Variants in GALNT14 observed in about 807,000 individuals in gnomAD.
The protein encoded by GALNT14 is UDP-GalNAc:polypeptide N-acetylgalactosaminyltransferase 14.
A neutral mutation model predicts 77.5 loss-of-function variants in GALNT14; 60 were observed. The observed-to-expected ratio is 0.77, with a 90% confidence interval of 0.63 to 0.96. GALNT14 has a LOEUF of 0.96. Among genes scored for constraint, GALNT14 ranks in the 40% least tolerant of loss-of-function variants. The pLI is 0.00. For missense variants in GALNT14, 710 were observed against 731.0 expected (o/e 0.97, Z 0.33); for synonymous variants, 280 against 281.7 (o/e 0.99, Z 0.06).
At chr2:31,035,963 CAA>C (rs1189665133) in intron 1 of GALNT14, among the ~76,000 whole-genome samples, 1 of 152,046 alleles carries the variant, frequency 6.6e-6, no homozygotes, top group Non-Finnish European at 1.5e-5. Context: ...TCCTATGACA[CAA>C]CTTTACCTAC....
At chr2:31,106,651 G>A (rs1362536638) in intron 1 of GALNT14, among the ~76,000 whole-genome samples, 4 of 152,096 alleles carry the variant, frequency 2.6e-5, no homozygotes, top group Non-Finnish European at 5.9e-5. Context: ...TGATTGCTTT[G>A]TTGAGTTCTT....
At chr2:30,990,586 G>A (rs1669637317) in intron 2 of GALNT14, among the ~76,000 whole-genome samples, 1 of 152,260 alleles carries the variant, frequency 6.6e-6, no homozygotes, top group African/African-American at 2.4e-5. Flanking sequence ...CCAGTATGGT[G>A]ACTAAACTTG....
the GALNT14 span, among the ~76,000 whole-genome samples, chr2:30,890,158 C>G: frequency 3.9e-5 from 6 of 152,076 alleles, no homozygotes; most frequent in Non-Finnish European, 8.8e-5. Flanking sequence ...AGGAGGAGCC[C>G]GGTGGTCTAC....
At chr2:31,011,398 G>A (rs77812546) in intron 1 of GALNT14, among the ~76,000 whole-genome samples, 102 of 152,210 alleles carry the variant, frequency 6.7e-4, no homozygotes, top group African/African-American at 2.3e-3. Flanking sequence ...TTGAATCCTC[G>A]GGTAAACCAT....
intron 1 of GALNT14, among the ~76,000 whole-genome samples, chr2:31,007,577 T>G (rs1292732181): frequency 2.6e-5 from 4 of 152,288 alleles, no homozygotes; most frequent in Non-Finnish European, 5.9e-5. Context: ...TCCAACTTCT[T>G]TACATCCACA....
intron 1 of GALNT14, chr2:31,078,969 G>A: frequency 7.8e-7 from 1 of 1,289,278 alleles, no homozygotes; most frequent in South Asian, 1.2e-5. Flanking sequence ...GCTGTTCCAT[G>A]CCTGGGAGGG....
At chr2:31,110,149 T>C (rs1015791109) in intron 1 of GALNT14, among the ~76,000 whole-genome samples, 16 of 152,136 alleles carry the variant, frequency 1.1e-4, no homozygotes, top group African/African-American at 3.1e-4. Context: ...CTGCCTTTCT[T>C]TGAAAAAATA....
intron 9 of GALNT14, among the ~76,000 whole-genome samples, chr2:30,940,546 C>T (rs890147102): frequency 2.0e-5 from 3 of 152,228 alleles, no homozygotes; most frequent in Admixed American, 1.3e-4. Context: ...TTATAAGAAA[C>T]ATTTCAGCAG....
In GALNT14 at chr2:30,938,384, A is replaced by ACACACACACACACTCTCTCT. The variant is rs1174119035; in HGVS notation, c.931+3816_931+3817insAGAGAGAGTGTGTGTGTGTG. 3.4e-3 allele frequency among the ~76,000 whole-genome samples: 484 copies of ACACACACACACACTCTCTCT among 141,716 alleles called. 6 individuals carry two copies. The highest frequency in any genetic ancestry group is 0.012 in the African/African-American group (453 of 38,208). 93.0% of individuals were successfully genotyped at this position (141,716 alleles called of 152,430 possible). On this transcript the variant is annotated intron_variant, in intron 9 of 14. Coordinates refer to ENST00000349752, the MANE Select transcript of GALNT14 (RefSeq NM_024572.4). ...TACACACACACACACACACACACACACTCTCTCTCTCTCTCTCTCTCTCTA... is the reference window on the plus strand; with the variant it reads ...TACACACACACACACACACACACACACACACACACACACTCTCTCTCTCTCTCTCTCTCTCTCTCTCTCTA...
chr2:31,136,850 G>A (rs1002073966), intron 1 of GALNT14, among the ~76,000 whole-genome samples: 1 of 152,146 alleles, frequency 6.6e-6, no homozygotes, highest in African/African-American at 2.4e-5. Flanking sequence ...TTATGAGGAA[G>A]GCACCTACTA....
At position 30,955,965 on chromosome 2, in the gene GALNT14, T is replaced by C; in HGVS notation, c.479A>G (p.Lys160Arg). The change falls in exon 5 of 15, where the codon AAA (lysine) becomes AGA (arginine). Residue 160 changes from lysine (K) to arginine (R), a missense_variant. By Grantham distance (26) the Lys-to-Arg change is conservative. Transcript: ENST00000349752. ...CACCTTGGGCAACTTGATGAGCTGT[T>C]TACAGTCATCAGCTGCAAAGACAAA... ...DDFSNDPDDC[K>R]QLIKLPKVKC... The C allele has an allele frequency of 6.2e-7, 1 of 1,614,166 alleles. No individual in the cohort carries two copies. The highest frequency in any genetic ancestry group is 8.5e-7 in the Non-Finnish European group (1 of 1,180,024).
At chr2:30,939,697 G>A (rs1408052840) in intron 9 of GALNT14, among the ~76,000 whole-genome samples, 1 of 152,142 alleles carries the variant, frequency 6.6e-6, no homozygotes. Context: ...GAGAGAAGGC[G>A]ACGGATGTGA....
intron 1 of GALNT14, among the ~76,000 whole-genome samples, chr2:31,026,679 G>A (rs1035834863): frequency 1.3e-5 from 2 of 152,202 alleles, no homozygotes; most frequent in Non-Finnish European, 2.9e-5. Flanking sequence ...CGGGGAGACT[G>A]TGGACCAGTC....
At chr2:31,057,007 A>T (rs72854856) in intron 1 of GALNT14, among the ~76,000 whole-genome samples, 4,717 of 152,196 alleles carry the variant, frequency 0.031, 243 homozygotes, top group African/African-American at 0.11. Context: ...GAGGCCATTA[A>T]CCTCAGCGAA....
At chr2:30,897,204 T>C in the GALNT14 span, among the ~76,000 whole-genome samples, 1 of 152,148 alleles carries the variant, frequency 6.6e-6, no homozygotes, top group Non-Finnish European at 1.5e-5. Context: ...CTTGTTTCTG[T>C]GCTTGTGCTC....
At chr2:30,892,086 G>A in the GALNT14 span, among the ~76,000 whole-genome samples, 1 of 152,244 alleles carries the variant, frequency 6.6e-6, no homozygotes, top group Non-Finnish European at 1.5e-5. Flanking sequence ...CAGCTCACCA[G>A]ACGGTATGTG....
At chr2:30,908,798 A>T (rs1340586439), downstream of GALNT14, among the ~76,000 whole-genome samples, 17 of 144,478 alleles carry the variant, frequency 1.2e-4, 2 homozygotes, top group East Asian at 3.4e-3. Flanking sequence ...ACGCTACCTG[A>T]CTTCAAACTA....
In GALNT14 at chr2:31,022,475, T is replaced by A. The variant is rs1169853812; in HGVS notation, c.130-29468A>T. 3.3e-5 allele frequency among the ~76,000 whole-genome samples: 5 copies of A among 152,176 alleles called. No individual in the cohort carries two copies. In the East Asian group the frequency reaches 5.8e-4, roughly 18 times the overall value. On this transcript the variant is annotated intron_variant, in intron 1 of 14. Transcript: ENST00000349752. Reference sequence around the variant, plus strand: ...CCAGTTCTGGAATAAGGCCTTTTTTTCCCCCAACACTCTACCTTTCCCCAA... The same window carrying A: ...CCAGTTCTGGAATAAGGCCTTTTTTACCCCCAACACTCTACCTTTCCCCAA...
intron 1 of GALNT14, among the ~76,000 whole-genome samples, chr2:31,046,639 G>T (rs1673485894): frequency 6.6e-6 from 1 of 152,016 alleles, no homozygotes; most frequent in African/African-American, 2.4e-5. Context: ...TATGAATGTA[G>T]TATGGAAACT....
Sources: gnomAD v4.1 joint callset for allele counts (sites outside exome capture counted in the v4.1 genomes callset) on GRCh38, gnomAD v4.1.1 for gene constraint, MANE v1.5 for transcripts, NCBI Gene and HGNC (gene_info 2026-07-23, HGNC 2026-07-21) for gene names.